The following GPC5 variants were observed in gnomAD, a reference collection of about 807,000 sequenced individuals.
GPC5 encodes the protein glypican-5.
In GPC5, 47 loss-of-function variants were observed where a neutral mutation model predicts 53.9. That is an observed-to-expected ratio of 0.87 (90% CI 0.69 to 1.11). GPC5 has a LOEUF of 1.11. Among genes scored for constraint, GPC5 ranks in the 50% most tolerant of loss-of-function variants. The pLI is 0.00. For missense variants in GPC5, 748 were observed against 713.1 expected, an observed-to-expected ratio of 1.05 and a Z score of -0.56; for synonymous variants, 286 against 263.3, an observed-to-expected ratio of 1.09 and a Z score of -0.84.
intron 5 of GPC5, among the ~76,000 whole-genome samples, chr13:91,834,152 C>T (rs1173423049): frequency 6.6e-6 from 1 of 151,932 alleles, no homozygotes; most frequent in Admixed American, 6.6e-5. Flanking sequence ...ACAATTGCTA[C>T]AAAGAGAATA....
intron 7 of GPC5, among the ~76,000 whole-genome samples, chr13:92,250,294 G>T (rs1455804328): frequency 1.3e-5 from 2 of 152,134 alleles, no homozygotes; most frequent in African/African-American, 4.8e-5. Context: ...AGTTTTGCTC[G>T]TAATACGTGC....
intron 5 of GPC5, among the ~76,000 whole-genome samples, chr13:91,815,813 T>C (rs1470988559): frequency 6.6e-6 from 1 of 152,200 alleles, no homozygotes; most frequent in East Asian, 1.9e-4. Flanking sequence ...ATATTTTATT[T>C]TCCTGAAAGC....
intron 2 of GPC5, among the ~76,000 whole-genome samples, chr13:91,636,092 AT>A (rs1311760816): frequency 6.6e-6 from 1 of 151,964 alleles, no homozygotes; most frequent in Non-Finnish European, 1.5e-5. Flanking sequence ...GTTTCTTAGT[AT>A]TTGGGATTTT....
intron 7 of GPC5, among the ~76,000 whole-genome samples, chr13:92,534,134 T>A (rs1395743321): frequency 2.0e-5 from 3 of 151,962 alleles, no homozygotes; most frequent in Non-Finnish European, 2.9e-5. Context: ...AAAAAAGTTT[T>A]AAAAAAATAG....
chr13:92,298,731 C>T (rs938458108), intron 7 of GPC5, among the ~76,000 whole-genome samples: 3 of 152,212 alleles, frequency 2.0e-5, no homozygotes, highest in African/African-American at 7.2e-5. Flanking sequence ...TGTGGGTCGT[C>T]TCAGGTTTCC....
At chr13:92,746,341 G>A (rs1216531407) in intron 7 of GPC5, among the ~76,000 whole-genome samples, 2 of 152,248 alleles carry the variant, frequency 1.3e-5, no homozygotes, top group African/African-American at 2.4e-5. Context: ...TTTCAAGTGA[G>A]ACTTTTCAAG....
At chr13:91,498,097 T>TC (rs1392100735) in intron 2 of GPC5, among the ~76,000 whole-genome samples, 1 of 151,262 alleles carries the variant, frequency 6.6e-6, no homozygotes, top group Non-Finnish European at 1.5e-5. Flanking sequence ...GATTTTTTTT[T>TC]TCTCCCGCTT....
chr13:92,660,208 G>A (rs1488172347), intron 7 of GPC5, among the ~76,000 whole-genome samples: 2 of 151,910 alleles, frequency 1.3e-5, no homozygotes, highest in African/African-American at 2.4e-5. Context: ...TTTTCAATTT[G>A]TTTATGTTCT....
chr13:91,547,224 T>C (rs555089097), intron 2 of GPC5, among the ~76,000 whole-genome samples: 1 of 152,190 alleles, frequency 6.6e-6, no homozygotes, highest in South Asian at 2.1e-4. Context: ...TTAGCAATAT[T>C]GGTCTGGAAC....
chr13:91,464,243 G>A (rs1239562805), intron 2 of GPC5, among the ~76,000 whole-genome samples: 7 of 152,054 alleles, frequency 4.6e-5, no homozygotes, highest in African/African-American at 1.7e-4. Flanking sequence ...TGTTGACAAG[G>A]ATGTAGAGAA....
At chr13:91,783,643 T>G (rs184422286) in intron 5 of GPC5, among the ~76,000 whole-genome samples, 22 of 152,244 alleles carry the variant, frequency 1.4e-4, no homozygotes, top group African/African-American at 5.3e-4. Flanking sequence ...GGTTTCACCA[T>G]GTTGGCCAGG....
chr13:92,275,380 G>A (rs2042868145), intron 7 of GPC5, among the ~76,000 whole-genome samples: 1 of 151,968 alleles, frequency 6.6e-6, no homozygotes. Flanking sequence ...TCAACCTCTT[G>A]AAATATAACT....
At chr13:91,424,238 C>A (rs754153063) in intron 1 of GPC5, among the ~76,000 whole-genome samples, 1 of 149,254 alleles carries the variant, frequency 6.7e-6, no homozygotes, top group Non-Finnish European at 1.5e-5. Flanking sequence ...CCTGGGGACA[C>A]ATGGTGGCAA....
chr13:91,410,631 C>A (rs946352077), intron 1 of GPC5, among the ~76,000 whole-genome samples: 3 of 152,010 alleles, frequency 2.0e-5, no homozygotes, highest in East Asian at 1.9e-4. Flanking sequence ...CAGGCGTGAG[C>A]CACTACGCCC....
chr13:92,127,260 G>A (rs1422117466), intron 6 of GPC5, among the ~76,000 whole-genome samples: 3 of 150,324 alleles, frequency 2.0e-5, no homozygotes, highest in Admixed American at 2.0e-4. Context: ...TTTTCATAGT[G>A]CCTCATATAT....
At chr13:91,685,871 G>T (rs1341943409) in intron 2 of GPC5, among the ~76,000 whole-genome samples, 3 of 151,454 alleles carry the variant, frequency 2.0e-5, no homozygotes, top group Admixed American at 6.6e-5. Flanking sequence ...TGAGTTAGCA[G>T]AATGAAAGCT....
chr13:92,089,372 T>C (rs1438871496), intron 6 of GPC5, among the ~76,000 whole-genome samples: 1 of 152,138 alleles, frequency 6.6e-6, no homozygotes, highest in Non-Finnish European at 1.5e-5. Context: ...AGGCAGAGCT[T>C]GCAGTGAGCC....
chr13:91,779,619 C>G (rs923251422), intron 5 of GPC5, among the ~76,000 whole-genome samples: 1 of 152,132 alleles, frequency 6.6e-6, no homozygotes, highest in Non-Finnish European at 1.5e-5. Flanking sequence ...GCTCGACCTC[C>G]CAAAGGGCTG....
intron 4 of GPC5, among the ~76,000 whole-genome samples, chr13:91,749,494 C>A (rs931035870): frequency 1.2e-4 from 18 of 152,124 alleles, no homozygotes; most frequent in African/African-American, 4.3e-4. Context: ...CATACGACTA[C>A]AGGTATCTTT....
Sources: gnomAD v4.1 joint callset for allele counts (sites outside exome capture counted in the v4.1 genomes callset) on GRCh38, gnomAD v4.1.1 for gene constraint, MANE v1.5 for transcripts, NCBI Gene and HGNC (gene_info 2026-07-23, HGNC 2026-07-21) for gene names.